ATP12A: variants seen among roughly 807,000 people sequenced by gnomAD.
The protein encoded by ATP12A is ATPase H+/K+ transporting non-gastric alpha2 subunit.
Under a neutral mutation model 111.2 loss-of-function variants are expected in ATP12A, and 81 were observed. The observed-to-expected ratio is 0.73, with a 90% CI of 0.61 to 0.88. The LOEUF (loss-of-function observed/expected upper bound fraction) is 0.88. Ranked by LOEUF, ATP12A falls within the 40% of genes least tolerant of loss-of-function variation. ATP12A has a pLI of 0.00. For synonymous variants in ATP12A, 498 were observed against 499.8 expected (o/e 1.00, Z 0.05); for missense variants, 1,196 against 1,313.1 (o/e 0.91, Z 1.38).
chr13:24,682,572 G>T (rs1874522482), intron 2 of ATP12A, among the ~76,000 whole-genome samples: 1 of 152,178 alleles, frequency 6.6e-6, no homozygotes, highest in South Asian at 2.1e-4. Flanking sequence ...CTGCTTCAGT[G>T]AGAGTTAAGT....
At chr13:24,700,635 C>G in intron 12 of ATP12A, 112 bp from the exon 13 acceptor site, 6 of 932,478 alleles carry the variant, frequency 6.4e-6, no homozygotes, top group Non-Finnish European at 9.4e-6. Flanking sequence ...CTGGCTTATT[C>G]TAATGTATTG....
At chr13:24,706,609 A>T in intron 15 of ATP12A, 146 bp downstream of exon 15, 1 of 1,227,554 alleles carries the variant, frequency 8.1e-7, no homozygotes, top group Non-Finnish European at 1.1e-6. Context: ...GACCTCTCCA[A>T]CCTCTCAGGT....
chr13:24,694,557 T>C lies in ATP12A; in HGVS notation c.1491T>C (p.Phe497=). The C allele has an allele frequency of 6.2e-7, 1 of 1,613,296 alleles. No individual in the cohort carries two copies. Residue 497 remains phenylalanine (F), a synonymous_variant, in exon 11 of 23, where the codon TTT becomes TTC. Coordinates refer to ENST00000381946, the MANE Select transcript of ATP12A (RefSeq NM_001676.7). The part of the protein sequence containing the change: ...KRNRKVAEIP[F]NSTNKFQLSI... ...ACCGCAAAGTAGCTGAAATCCCTTT[T>C]AACTCTACTAATAAATTTCAGGTGA...
At chr13:24,683,912 C>A (rs1347529234) in intron 2 of ATP12A, among the ~76,000 whole-genome samples, 1 of 152,198 alleles carries the variant, frequency 6.6e-6, no homozygotes, top group Admixed American at 6.5e-5. Flanking sequence ...TGCCTCCCAA[C>A]CTTTCTTGGC....
At position 24,690,690 on chromosome 13, in the gene ATP12A, C is replaced by T. The variant is rs765903318; in HGVS notation, c.768C>T (p.Asn256=). 3.7e-6 allele frequency: 6 copies of T among 1,613,854 alleles called. No homozygotes were observed. The highest frequency in any genetic ancestry group is 8.5e-7 in the Non-Finnish European group (1 of 1,179,974). ...ATGAAAACCCCCTGGAAACAAAGAACATCTGCTTCTATTCCACAACGTGTC... is the reference window on the plus strand; with the variant it reads ...ATGAAAACCCCCTGGAAACAAAGAATATCTGCTTCTATTCCACAACGTGTC... ...FTHENPLETK[N]ICFYSTTCLE... is the part of the protein sequence containing the mutation. Residue 256 remains asparagine, a synonymous_variant, in exon 7 of 23, where the codon AAC becomes AAT. Transcript: ENST00000381946.
intron 13 of ATP12A, 104 bp downstream of exon 13, chr13:24,701,026 A>C: frequency 8.1e-7 from 1 of 1,240,300 alleles, no homozygotes; most frequent in Non-Finnish European, 1.1e-6. Context: ...TCTTCAAGTA[A>C]ATATCATAAT....
intron 10 of ATP12A, 46 bp downstream of exon 10, chr13:24,692,942 G>A (rs1354646084): frequency 6.4e-7 from 1 of 1,555,722 alleles, no homozygotes; most frequent in African/African-American, 1.4e-5. Flanking sequence ...CCAGTTTGTA[G>A]TCACTTGCTG....
rs1874622886 is a variant in ATP12A at position 24,685,149 on chromosome 13, G to A, written c.169-165G>A. ...CCTGAGGCAGTGCCATCCTTCGCTG[G>A]GCAGCTGCCTGGCACAGGGGTTCTT... is the stretch of plus-strand genomic sequence containing the variant. On this transcript the variant is annotated intron_variant, in intron 2 of 22. Transcript: ENST00000381946. This position sits in a 1 kb window ranked among gnomAD's most constrained non-coding sequence, Gnocchi z 5.5. 6.6e-6 allele frequency among the ~76,000 whole-genome samples: 1 copy of A among 152,126 alleles called. No homozygotes were observed. Among genetic ancestry groups the A allele is most frequent in the Non-Finnish European group, 1.5e-5 (1 of 68,014 alleles).
chr13:24,705,472 C>A (rs1875586617), intron 14 of ATP12A, among the ~76,000 whole-genome samples: 1 of 152,184 alleles, frequency 6.6e-6, no homozygotes, highest in African/African-American at 2.4e-5. Context: ...AATCAATAGG[C>A]CCTAGAACCT....
At chr13:24,687,813 T>G (rs1874724280) in intron 3 of ATP12A, among the ~76,000 whole-genome samples, 1 of 152,236 alleles carries the variant, frequency 6.6e-6, no homozygotes, top group South Asian at 2.1e-4. Flanking sequence ...GTTACTGCAT[T>G]GCCCTTAGCC....
intron 17 of ATP12A, among the ~76,000 whole-genome samples, chr13:24,708,964 G>GGAACGAAGAAAGAAAGAAAGAAA (rs1566078418): frequency 8.7e-6 from 1 of 114,732 alleles, no homozygotes; most frequent in Non-Finnish European, 1.9e-5. Context: ...AAAGAAAGAA[G>GGAACGAAGAAAGAAAGAAAGAAA]GAAAGAGAAA....
chr13:24,707,765 G>C (rs187113650), intron 17 of ATP12A, among the ~76,000 whole-genome samples: 15 of 151,988 alleles, frequency 9.9e-5, no homozygotes, highest in Non-Finnish European at 1.5e-4. Flanking sequence ...TGCAACCTCC[G>C]CCTCCCAGGC....
At position 24,702,013 on chromosome 13, in the gene ATP12A, G is replaced by A; in HGVS notation, c.1960G>A (p.Glu654Lys). 1 of 1,614,248 alleles carries A rather than the reference G, an allele frequency of 6.2e-7. No homozygotes were observed. The highest frequency in any genetic ancestry group is 1.1e-5 in the South Asian group (1 of 91,088). Residue 654 changes from glutamate to lysine, a missense_variant, in exon 14 of 23, where the codon GAA becomes AAA. Transcript: ENST00000381946. ...TGTGGGGATCATTTCAGCCAACAGT[G>A]AAACAGTGGAAGACATTGCACATCG... ...KSVGIISANS[E>K]TVEDIAHRLN...
intron 11 of ATP12A, among the ~76,000 whole-genome samples, chr13:24,696,718 C>CAA (rs1199522203): frequency 0.046 from 1,498 of 32,864 alleles, 237 homozygotes; most frequent in Non-Finnish European, 0.07. Context: ...GACTCCGTCT[C>CAA]AAAAAAAAAA....
At chr13:24,688,620 G>A (rs1874757607) in intron 4 of ATP12A, 98 bp downstream of exon 4, 6 of 1,181,098 alleles carry the variant, frequency 5.1e-6, no homozygotes, top group Non-Finnish European at 4.6e-6. Flanking sequence ...GCCTAGGTGT[G>A]GGAAAGTCAG....
In ATP12A at chr13:24,696,729, A is replaced by AAG. The variant is rs1328141608; in HGVS notation, c.1513-1928_1513-1927insGA. On this transcript the variant is annotated intron_variant, in intron 11 of 22. Coordinates refer to ENST00000381946, the MANE Select transcript of ATP12A (RefSeq NM_001676.7). ...GCGAGACTCCGTCTCAAAAAAAAAA[A>AAG]AAAAAAAAAAAAAAAAAGAAAGGGG... Among the ~76,000 whole-genome samples the AAG allele has an allele frequency of 1.3e-3, 44 of 33,166 alleles. 5 individuals are homozygous for AAG. In the East Asian group the frequency reaches 0.026, roughly 19 times the overall value. The allele number at this position is 33,166 out of a possible 152,430, so 21.8% of individuals were successfully genotyped here. A position where few individuals can be genotyped will look rare whatever the true frequency, so the allele number is the denominator to read the frequency against.
chr13:24,697,855 C>T (rs986042930), intron 11 of ATP12A, among the ~76,000 whole-genome samples: 2 of 151,336 alleles, frequency 1.3e-5, no homozygotes, highest in Non-Finnish European at 2.9e-5. Context: ...ATCTTTGATA[C>T]CCAGAAGTCT....
chr13:24,698,530 A>G, intron 11 of ATP12A, 128 bp from the exon 12 acceptor site: 1 of 1,086,958 alleles, frequency 9.2e-7, no homozygotes, highest in Non-Finnish European at 1.3e-6. Flanking sequence ...GGCCACAGAA[A>G]GAAAAAGGGC....
At chr13:24,710,098 C>T (rs559211826) in intron 19 of ATP12A, among the ~76,000 whole-genome samples, 8 of 152,286 alleles carry the variant, frequency 5.3e-5, no homozygotes, top group East Asian at 3.9e-4. Context: ...ACCCACAGTG[C>T]GGCCAAATAA....
Sources: allele counts gnomAD v4.1 joint callset (sites outside exome capture counted in the v4.1 genomes callset), GRCh38; gene constraint gnomAD v4.1.1; non-coding constraint Gnocchi (gnomAD v3.1); transcripts MANE v1.5; gene names NCBI Gene and HGNC (gene_info 2026-07-23, HGNC 2026-07-21).